Variants in AK3 observed in about 807,000 individuals in gnomAD.
AK3 encodes GTP:AMP phosphotransferase AK3, mitochondrial.
AK3 carries 27 observed loss-of-function variants against 23.7 expected under a neutral mutation model. That is an observed-to-expected ratio of 1.14 (90% CI 0.84 to 1.57). The LOEUF (loss-of-function observed/expected upper bound fraction) is 1.57, where lower values mean the gene tolerates loss of function less well. Among genes scored for constraint, AK3 ranks in the 40% most tolerant of loss-of-function variants. The probability of loss-of-function intolerance (pLI) is 0.00; values close to 1 mark genes in which losing one functional copy is unlikely to be tolerated. For synonymous variants in AK3, 159 were observed against 116.0 expected, an observed-to-expected ratio of 1.37 and a Z score of -2.38; for missense variants, 406 against 285.6, an observed-to-expected ratio of 1.42 and a Z score of -3.04.
chr9:4,740,321 A>T (rs942614860), intron 1 of AK3, among the ~76,000 whole-genome samples: 69 of 152,160 alleles, frequency 4.5e-4, no homozygotes, highest in Non-Finnish European at 1.2e-4. Flanking sequence ...TTTATTTGGC[A>T]TGAGAAACAA....
chr9:4,715,557 G>T (rs909376752), intron 4 of AK3, among the ~76,000 whole-genome samples: 1 of 151,910 alleles, frequency 6.6e-6, no homozygotes, highest in Admixed American at 6.6e-5. Flanking sequence ...ACCATGCCTG[G>T]CTAATATTTT....
At chr9:4,740,717 T>C (rs1008488520) in intron 1 of AK3, among the ~76,000 whole-genome samples, 2 of 152,018 alleles carry the variant, frequency 1.3e-5, no homozygotes, top group African/African-American at 4.8e-5. Context: ...AACTTTCCAG[T>C]CCCTTCCCCC....
intron 1 of AK3, among the ~76,000 whole-genome samples, chr9:4,735,732 G>A (rs1370327032): frequency 1.3e-5 from 2 of 149,984 alleles, no homozygotes; most frequent in Non-Finnish European, 3.0e-5. Context: ...GCCTCCCAAA[G>A]TGCTGAGATT....
At chr9:4,729,015 A>AGATATATATATATTTTT (rs1842090647) in intron 1 of AK3, among the ~76,000 whole-genome samples, 1 of 129,450 alleles carries the variant, frequency 7.7e-6, no homozygotes, top group Admixed American at 8.0e-5. Flanking sequence ...ATATATATAT[A>AGATATATATATATTTTT]TTTTTTTTTT....
chr9:4,718,398 T>C (rs200891729), intron 4 of AK3, 21 bp downstream of exon 4: 1 of 1,574,704 alleles, frequency 6.4e-7, no homozygotes, highest in East Asian at 2.2e-5. Flanking sequence ...GCAAGAGAAG[T>C]TCTGAAAAGC....
chr9:4,741,186 A>T lies in AK3; in HGVS notation c.-99T>A. ...CCTGCGCCGGCCGGCTAGCAGCGCCACTAGCAGGCGGCTACTGCGGTTCCC... is the reference window on the plus strand; with the variant it reads ...CCTGCGCCGGCCGGCTAGCAGCGCCTCTAGCAGGCGGCTACTGCGGTTCCC... On this transcript the variant is annotated 5_prime_UTR_variant, in exon 1 of 5. Coordinates refer to ENST00000381809, the MANE Select transcript of AK3 (RefSeq NM_016282.4). 7.9e-7 allele frequency: 1 copy of T among 1,259,006 alleles called. No individual in the cohort carries two copies. Among genetic ancestry groups the T allele is most frequent in the Non-Finnish European group, 1.0e-6 (1 of 980,972 alleles). 78.0% of individuals were successfully genotyped at this position (1,259,006 alleles called of 1,614,324 possible).
intron 2 of AK3, 31 bp downstream of exon 2, chr9:4,722,475 G>A (rs767308470): frequency 1.9e-6 from 3 of 1,613,616 alleles, no homozygotes; most frequent in Non-Finnish European, 1.7e-6. Context: ...ATTATTTTGG[G>A]CAGGTGAAAT....
chr9:4,741,044 G>A lies in AK3; in HGVS notation c.44C>T (p.Ala15Val), dbSNP rs1563802991. ...CACGGTGCCCTTGCCCGAGCCCGGG[G>A]CCCCCATGATCACCGCTCGCAGCAG... ...ARLLRAVIMGAPGSGKGTVSS... is the reference protein window; with the variant it reads ...ARLLRAVIMGVPGSGKGTVSS... The change falls in exon 1 of 5, where the codon GCC becomes GTC. Residue 15 changes from alanine to valine, a missense_variant. Ala to Val is a moderately conservative substitution (Grantham distance 64, BLOSUM62 0). Coordinates refer to ENST00000381809, the MANE Select transcript of AK3 (RefSeq NM_016282.4). 1.9e-6 allele frequency: 3 copies of A among 1,573,994 alleles called. No homozygotes were observed. Among genetic ancestry groups the A allele is most frequent in the Non-Finnish European group, 2.6e-6 (3 of 1,162,618 alleles).
intron 1 of AK3, among the ~76,000 whole-genome samples, chr9:4,730,908 C>G (rs779939601): frequency 1.1e-4 from 17 of 152,068 alleles, no homozygotes; most frequent in African/African-American, 4.1e-4. Context: ...ATGGAAGTTA[C>G]ATGAGTTTTT....
intron 1 of AK3, among the ~76,000 whole-genome samples, chr9:4,727,615 C>G (rs1250318679): frequency 6.6e-6 from 1 of 152,172 alleles, no homozygotes; most frequent in Non-Finnish European, 1.5e-5. Context: ...TTCTAGACCA[C>G]TCAAGCTTTC....
intron 1 of AK3, among the ~76,000 whole-genome samples, chr9:4,728,866 T>TATATATATATATACAC (rs1395790351): frequency 1.1e-5 from 1 of 87,894 alleles, no homozygotes; most frequent in Non-Finnish European, 2.4e-5. Context: ...TATATATATA[T>TATATATATATATACAC]ACACACACAC....
chr9:4,718,506 A>G lies in AK3; in HGVS notation c.476T>C (p.Ile159Thr), dbSNP rs749131195. 3.7e-6 allele frequency: 6 copies of G among 1,613,834 alleles called. No homozygotes were observed. In the South Asian group the frequency reaches 5.5e-5, roughly 15 times the overall value. ...GIDDLTGEPL[I>T]QREDDKPETV... ...CTCTGGTTTATCATCCTCACGCTGA[A>G]TGAGAGGCTCCCCAGTCAGGTCATC... The change falls in exon 4 of 5, where the codon ATT becomes ACT. Residue 159 changes from isoleucine to threonine, a missense_variant. Physicochemically the swap from Ile to Thr is moderately conservative, Grantham distance 89. Transcript: ENST00000381809.
chr9:4,713,233 A>C, intron 4 of AK3, 137 bp from the exon 5 acceptor site: 1 of 1,174,490 alleles, frequency 8.5e-7, no homozygotes, highest in Non-Finnish European at 1.1e-6. Context: ...ATCAGGAGAG[A>C]AAGGCACTTG....
At chr9:4,734,160 G>C (rs1245205503) in intron 1 of AK3, among the ~76,000 whole-genome samples, 1 of 152,206 alleles carries the variant, frequency 6.6e-6, no homozygotes, top group Non-Finnish European at 1.5e-5. Flanking sequence ...GTCTTTATAA[G>C]AGGAGGAGGA....
intron 1 of AK3, among the ~76,000 whole-genome samples, chr9:4,729,348 T>C (rs1842101179): frequency 6.6e-6 from 1 of 152,124 alleles, no homozygotes; most frequent in Non-Finnish European, 1.5e-5. Context: ...GCTTGGTATG[T>C]GTTTCTAGTT....
intron 1 of AK3, among the ~76,000 whole-genome samples, chr9:4,726,418 T>C (rs1279667202): frequency 6.6e-6 from 1 of 152,214 alleles, no homozygotes; most frequent in Non-Finnish European, 1.5e-5. Context: ...TTAAGTCATA[T>C]TCTAAATCCC....
chr9:4,718,596 A>G, intron 3 of AK3, 59 bp from the exon 4 acceptor site: 1 of 1,308,950 alleles, frequency 7.6e-7, no homozygotes, highest in Non-Finnish European at 1.1e-6. Flanking sequence ...ATATTTTCAT[A>G]AGCAGTTCAA....
At chr9:4,724,250 C>T (rs1841970256) in intron 1 of AK3, among the ~76,000 whole-genome samples, 2 of 152,000 alleles carry the variant, frequency 1.3e-5, no homozygotes, top group Non-Finnish European at 1.5e-5. Context: ...ACCTCATCAA[C>T]AGCATTTGGA....
chr9:4,728,832 CATATATATAT>C (rs145541536), intron 1 of AK3, among the ~76,000 whole-genome samples: 18 of 86,828 alleles, frequency 2.1e-4, no homozygotes, highest in Non-Finnish European at 2.7e-4. Flanking sequence ...CATGTCTCTA[CATATATATAT>C]ATATATATAT....
Sources: gnomAD v4.1 joint callset for allele counts (sites outside exome capture counted in the v4.1 genomes callset) on GRCh38, gnomAD v4.1.1 for gene constraint, MANE v1.5 for transcripts, NCBI Gene and HGNC (gene_info 2026-07-23, HGNC 2026-07-21) for gene names.